The following APBA2 variants were observed in gnomAD, a reference collection of about 807,000 sequenced individuals.
APBA2 encodes amyloid-beta A4 precursor protein-binding family A member 2.
APBA2 carries 30 observed loss-of-function variants against 75.0 expected under a neutral mutation model. The observed-to-expected ratio is 0.40, with a 90% CI of 0.30 to 0.54. APBA2 has a LOEUF of 0.54. Among genes scored for constraint, APBA2 ranks in the 20% least tolerant of loss-of-function variants. The pLI is 0.49. For missense variants in APBA2, 801 were observed against 1,016.1 expected, an observed-to-expected ratio of 0.79 and a Z score of 2.88; for synonymous variants, 444 against 409.6, an observed-to-expected ratio of 1.08 and a Z score of -1.01.
chr15:29,007,882 T>C (rs2039205293), intron 3 of APBA2, among the ~76,000 whole-genome samples: 1 of 152,180 alleles, frequency 6.6e-6, no homozygotes, highest in African/African-American at 2.4e-5. Context: ...TCTGGGCATA[T>C]GCCCAAGGGA....
chr15:28,933,605 TG>T (rs2034680517), intron 2 of APBA2, among the ~76,000 whole-genome samples: 1 of 152,202 alleles, frequency 6.6e-6, no homozygotes, highest in African/African-American at 2.4e-5. Context: ...GTAGGAGCAA[TG>T]GCAAGCCCAC....
chr15:29,087,684 T>G (rs2043350106), intron 6 of APBA2, among the ~76,000 whole-genome samples: 1 of 152,068 alleles, frequency 6.6e-6, no homozygotes. Flanking sequence ...CAGCAGAAGG[T>G]CTCACTTGAG....
rs79023603 is a variant in APBA2, at chr15:29,114,007, G to A, written c.2169G>A (p.Ser723=). 5.6e-4 allele frequency: 900 copies of A among 1,613,786 alleles called. 16 individuals carry two copies. In the East Asian group the frequency reaches 0.02, roughly 35 times the overall value. Residue 723 remains serine (S), a synonymous_variant, in exon 14 of 15, where the codon TCG becomes TCA. Transcript: ENST00000683413. ...HEKIVQALSN[S]VGEIHMKTMP... The stretch of plus-strand genomic sequence containing the variant: ...AGATAGTCCAAGCTCTGTCCAACTC[G>A]GTCGGAGAGGTAAGGAGGGACTTTG...
chr15:29,064,072 A>G (rs922581123), intron 4 of APBA2, among the ~76,000 whole-genome samples: 4 of 152,074 alleles, frequency 2.6e-5, no homozygotes, highest in Non-Finnish European at 5.9e-5. Context: ...GATTTGGGAG[A>G]TGGGGCAACA....
chr15:29,076,613 A>G (rs776587846), intron 6 of APBA2, among the ~76,000 whole-genome samples: 10 of 152,278 alleles, frequency 6.6e-5, no homozygotes, highest in Non-Finnish European at 1.2e-4. Flanking sequence ...GGAGCTGAGC[A>G]TCTGGAGACC....
intron 2 of APBA2, among the ~76,000 whole-genome samples, chr15:28,947,123 T>A (rs569956661): frequency 6.6e-5 from 10 of 152,342 alleles, no homozygotes; most frequent in African/African-American, 1.7e-4. Flanking sequence ...AGACGCCAGA[T>A]CTTCTTTTCC....
At chr15:28,970,515 A>T (rs2037007758) in intron 2 of APBA2, 1 of 132,246 alleles carries the variant, frequency 7.6e-6, no homozygotes, top group Non-Finnish European at 1.6e-5. Flanking sequence ...CTGTCTTTCT[A>T]AAAAAAAAAA....
At chr15:28,913,253 CCAT>C (rs1462712970) in intron 1 of APBA2, among the ~76,000 whole-genome samples, 4 of 152,192 alleles carry the variant, frequency 2.6e-5, no homozygotes, top group Non-Finnish European at 4.4e-5. Flanking sequence ...CAGGGCCTTC[CCAT>C]CTGTCAGCTG....
chr15:29,002,073 C>T (rs552235451), intron 3 of APBA2, among the ~76,000 whole-genome samples: 6 of 152,226 alleles, frequency 3.9e-5, no homozygotes, highest in Admixed American at 3.9e-4. Flanking sequence ...TGTGTACTGC[C>T]CGTCTTGGAC....
chr15:29,022,382 G>C (rs1336350948), intron 3 of APBA2, among the ~76,000 whole-genome samples: 1 of 152,078 alleles, frequency 6.6e-6, no homozygotes, highest in African/African-American at 2.4e-5. Flanking sequence ...TCTTTTCCTT[G>C]ATGATTTTTT....
At chr15:29,035,293 G>A (rs1434062458) in intron 3 of APBA2, among the ~76,000 whole-genome samples, 5 of 152,148 alleles carry the variant, frequency 3.3e-5, no homozygotes, top group Admixed American at 3.3e-4. Flanking sequence ...GGGGTCATTA[G>A]GATTAATTAG....
intron 2 of APBA2, among the ~76,000 whole-genome samples, chr15:28,988,409 G>A (rs953767026): frequency 2.0e-5 from 3 of 151,492 alleles, no homozygotes; most frequent in Admixed American, 1.3e-4. Context: ...GATTACAGGC[G>A]CCCGCCACTG....
chr15:28,902,247 G>A (rs2032908081), intron 1 of APBA2, among the ~76,000 whole-genome samples: 1 of 152,130 alleles, frequency 6.6e-6, no homozygotes, highest in Non-Finnish European at 1.5e-5. Flanking sequence ...CATGCCCTGG[G>A]TGCTGTGGAG....
At chr15:28,932,064 C>CCCCTGTGTGTGGCCA (rs1399327940) in intron 2 of APBA2, among the ~76,000 whole-genome samples, 1 of 152,124 alleles carries the variant, frequency 6.6e-6, no homozygotes, top group Non-Finnish European at 1.5e-5. Context: ...GCCACACAGG[C>CCCCTGTGTGTGGCCA]CACAGTTGCC....
intron 2 of APBA2, among the ~76,000 whole-genome samples, chr15:28,980,417 T>C (rs1182410908): frequency 1.3e-5 from 2 of 152,136 alleles, no homozygotes; most frequent in Admixed American, 6.5e-5. Flanking sequence ...GAAAAGTCAG[T>C]AGCATTTCTC....
chr15:28,917,928 C>G (rs1051701375), intron 1 of APBA2, among the ~76,000 whole-genome samples: 2 of 152,192 alleles, frequency 1.3e-5, no homozygotes, highest in Non-Finnish European at 2.9e-5. Flanking sequence ...TGCCCCCGCC[C>G]CATTCTGCTC....
At chr15:29,099,460 G>A (rs2044011698) in intron 9 of APBA2, among the ~76,000 whole-genome samples, 1 of 152,234 alleles carries the variant, frequency 6.6e-6, no homozygotes, top group Admixed American at 6.5e-5. Context: ...TACCAGGGAA[G>A]CTCATAGACA....
At position 29,056,220 on chromosome 15, in the gene APBA2, A is replaced by C. The variant is rs567200235; in HGVS notation, c.951+1385A>C. 2.6e-5 allele frequency among the ~76,000 whole-genome samples: 4 copies of C among 152,332 alleles called. No individual in the cohort carries two copies. In the South Asian group the frequency reaches 8.3e-4, roughly 32 times the overall value. On this transcript the variant is annotated intron_variant, in intron 4 of 14. Coordinates refer to ENST00000683413, the MANE Select transcript of APBA2 (RefSeq NM_001353788.2). ...TGGTTTTGTGCTTCATGCTAACCAG[A>C]TGGTAATTTGGGTAAAAACACAGAG... is the stretch of plus-strand genomic sequence containing the variant.
rs141899632 is a variant in APBA2, at chr15:29,046,191, T to G, written c.-40-7654T>G. 5.3e-3 allele frequency among the ~76,000 whole-genome samples: 812 copies of G among 152,362 alleles called. 19 individuals are homozygous for G. Among genetic ancestry groups the G allele is most frequent in the Admixed American group, 0.043 (662 of 15,306 alleles). ...CTGCTTCTGTGCAAAAGGCAATGTG[T>G]TAGTTCCTTGCAGGAATATGCTTTT... On this transcript the variant is annotated intron_variant, in intron 3 of 14. Coordinates refer to ENST00000683413, the MANE Select transcript of APBA2 (RefSeq NM_001353788.2). This position sits in a 1 kb window ranked among gnomAD's most constrained non-coding sequence, Gnocchi z 5.0.
Sources: allele counts gnomAD v4.1 joint callset (sites outside exome capture counted in the v4.1 genomes callset), GRCh38; gene constraint gnomAD v4.1.1; non-coding constraint Gnocchi (gnomAD v3.1); transcripts MANE v1.5; gene names NCBI Gene and HGNC (gene_info 2026-07-23, HGNC 2026-07-21).